The following ZC3H3 variants were observed in gnomAD, a reference collection of about 807,000 sequenced individuals.
The protein encoded by ZC3H3 is zinc finger CCCH-type containing 3, also known as zinc finger CCCH domain-containing protein 3.
ZC3H3 carries 36 observed loss-of-function variants against 77.3 expected under a neutral mutation model. The observed-to-expected ratio is 0.47, with a 90% CI of 0.36 to 0.61. ZC3H3 has a LOEUF of 0.61. Among genes scored for constraint, ZC3H3 ranks in the 20% least tolerant of loss-of-function variants. The pLI is 0.00. For synonymous variants in ZC3H3, 626 were observed against 555.2 expected (o/e 1.13, Z -1.79); for missense variants, 1,331 against 1,312.2 (o/e 1.01, Z -0.22).
At chr8:143,520,299 C>G (rs1005770361) in intron 3 of ZC3H3, among the ~76,000 whole-genome samples, 6 of 152,226 alleles carry the variant, frequency 3.9e-5, no homozygotes, top group Admixed American at 3.3e-4. Context: ...TGGGGGCAGG[C>G]TCCCCTGCTG....
chr8:143,440,244 T>A lies in ZC3H3; in HGVS notation c.2612A>T (p.Lys871Met). The change falls in exon 11 of 12, where the codon AAG becomes ATG. Residue 871 changes from lysine (K) to methionine (M), a missense_variant. By Grantham distance (95) the Lys-to-Met change is moderately conservative (BLOSUM62 -1). Around this residue, in one of 3 missense-constraint regions of ZC3H3, gnomAD observed 249 missense variants for 236.9 expected, o/e 1.05. Coordinates refer to ENST00000262577, the MANE Select transcript of ZC3H3 (RefSeq NM_015117.3). ...GGAGGAGGAGGAGGAGGAGGAAGCC[T>A]TCGAGGATGAGGGAGAGGCTGACCC... Reference protein sequence around the residue: ...PGGSASPSSSKASSSSSSSSS... With the variant: ...PGGSASPSSSMASSSSSSSSS... 1 of 1,594,746 alleles carries A rather than the reference T, an allele frequency of 6.3e-7. No individual in the cohort carries two copies. The highest frequency in any genetic ancestry group is 8.5e-7 in the Non-Finnish European group (1 of 1,171,274).
intron 9 of ZC3H3, among the ~76,000 whole-genome samples, chr8:143,442,313 G>A (rs1488072845): frequency 2.6e-5 from 4 of 151,642 alleles, no homozygotes; most frequent in Admixed American, 6.6e-5. Context: ...GCGCCTCGCA[G>A]TGCTTTGGGG....
At chr8:143,470,784 T>C (rs1820541970) in intron 5 of ZC3H3, among the ~76,000 whole-genome samples, 1 of 152,206 alleles carries the variant, frequency 6.6e-6, no homozygotes, top group African/African-American at 2.4e-5. Context: ...TTCAAATGCT[T>C]TGCAGTGTTA....
In ZC3H3 at chr8:143,541,439, G is replaced by T. The variant is rs1236258118; in HGVS notation, c.-18C>A. On this transcript the variant is annotated 5_prime_UTR_variant, in exon 1 of 12. Coordinates refer to ENST00000262577, the MANE Select transcript of ZC3H3 (RefSeq NM_015117.3). ...TCCTCCATCTCCCGAGTCCGCGACG[G>T]CCGGCCAGGCCCCCACGACGTCATC... 2 of 1,611,258 alleles carry T rather than the reference G, an allele frequency of 1.2e-6. No individual in the cohort carries two copies. Among genetic ancestry groups the T allele is most frequent in the Non-Finnish European group, 1.7e-6 (2 of 1,179,236 alleles).
At position 143,460,240 on chromosome 8, in the gene ZC3H3, T is replaced by C. The variant is rs533661659; in HGVS notation, c.2307+5477A>G. 1.4e-5 allele frequency among the ~76,000 whole-genome samples: 2 copies of C among 145,356 alleles called. No individual in the cohort carries two copies. The highest frequency in any genetic ancestry group is 6.9e-5 in the Admixed American group (1 of 14,484). On this transcript the variant is annotated intron_variant, in intron 9 of 11. Transcript: ENST00000262577. The surrounding 1 kb of genome is among the most constrained non-coding windows in gnomAD (Gnocchi z 4.0). ...TCCAGCCTGGGCGACAGAGTGAGAC[T>C]ATGTCTCAAAAATAAATAAATAAAT...
chr8:143,478,500 C>G (rs1323649452), intron 4 of ZC3H3, among the ~76,000 whole-genome samples: 4 of 152,210 alleles, frequency 2.6e-5, no homozygotes, highest in Non-Finnish European at 4.4e-5. Flanking sequence ...GCCATGCCCC[C>G]GCTCCTTCTT....
In ZC3H3 at chr8:143,538,351, T is replaced by C. The variant is rs765494778; in HGVS notation, c.1016A>G (p.Lys339Arg). ...SPRVAAENVC[K>R]ASAGMANKVE... ...CTTGTTTGCCATGCCAGCAGAGGCC[T>C]TGCACACATTCTCTGCAGCCACTCT... The change falls in exon 2 of 12, where the codon AAG becomes AGG. Residue 339 changes from lysine to arginine, a missense_variant. Coordinates refer to ENST00000262577, the MANE Select transcript of ZC3H3 (RefSeq NM_015117.3). 2.5e-6 allele frequency: 4 copies of C among 1,612,994 alleles called. No homozygotes were observed. The Admixed American group carries it at 5.0e-5, about 20-fold the overall frequency.
rs535330252 is a variant in ZC3H3, at chr8:143,450,343, C to A, written c.2308-9223G>T. The stretch of plus-strand genomic sequence containing the variant: ...TTACAGGCATGTACCACTGTGCCCA[C>A]CTAATTCTTCTATTTTCAGTAGAGA... On this transcript the variant is annotated intron_variant, in intron 9 of 11. Coordinates refer to ENST00000262577, the MANE Select transcript of ZC3H3 (RefSeq NM_015117.3). Among the ~76,000 whole-genome samples, 3 of 152,266 alleles carry A rather than the reference C, an allele frequency of 2.0e-5. No homozygotes were observed. In the East Asian group the frequency reaches 5.8e-4, roughly 29 times the overall value.
intron 9 of ZC3H3, among the ~76,000 whole-genome samples, chr8:143,463,442 A>C (rs776266736): frequency 6.6e-5 from 10 of 152,342 alleles, no homozygotes; most frequent in Middle Eastern, 3.4e-3. Context: ...GCATATTAAA[A>C]GGGGACGGCA....
intron 4 of ZC3H3, among the ~76,000 whole-genome samples, chr8:143,498,374 C>T (rs899841222): frequency 6.6e-6 from 1 of 152,202 alleles, no homozygotes; most frequent in Admixed American, 6.5e-5. Flanking sequence ...GATCCCGGTA[C>T]TTAGGGTCAC....
chr8:143,525,340 C>A (rs1393628896), intron 3 of ZC3H3, among the ~76,000 whole-genome samples: 1 of 152,238 alleles, frequency 6.6e-6, no homozygotes, highest in African/African-American at 2.4e-5. Flanking sequence ...TGAGGGGTGG[C>A]AGGTGGTGCA....
rs896210006 is a variant in ZC3H3 at position 143,462,223 on chromosome 8, C to T, written c.2307+3494G>A. 3.9e-5 allele frequency among the ~76,000 whole-genome samples: 6 copies of T among 152,076 alleles called. No homozygotes were observed. In the East Asian group the frequency reaches 9.7e-4, roughly 24 times the overall value. On this transcript the variant is annotated intron_variant, in intron 9 of 11. Transcript: ENST00000262577. The surrounding 1 kb of genome is among the most constrained non-coding windows in gnomAD (Gnocchi z 4.7). ...TCTGAGATAGGCAGTGCCGTTATCC[C>T]GACTGTATATAAAAGGAGACTGAGG...
intron 3 of ZC3H3, among the ~76,000 whole-genome samples, chr8:143,524,569 C>G (rs1002069788): frequency 3.3e-5 from 5 of 152,372 alleles, no homozygotes; most frequent in African/African-American, 1.2e-4. Context: ...GCAGGCAAGT[C>G]GCACAGAGGT....
intron 4 of ZC3H3, among the ~76,000 whole-genome samples, chr8:143,484,152 A>AC (rs1434260128): frequency 6.6e-6 from 1 of 152,180 alleles, no homozygotes; most frequent in Non-Finnish European, 1.5e-5. Flanking sequence ...GAGGCTGAGC[A>AC]CGGCTGGCTC....
At chr8:143,523,500 A>G in intron 3 of ZC3H3, 1 of 985,416 alleles carries the variant, frequency 1.0e-6, no homozygotes, top group African/African-American at 1.7e-5. Flanking sequence ...ATGTGGCCCT[A>G]CAGACGGAAG....
intron 9 of ZC3H3, among the ~76,000 whole-genome samples, chr8:143,464,129 C>A (rs1374715828): frequency 6.6e-6 from 1 of 152,280 alleles, no homozygotes; most frequent in Non-Finnish European, 1.5e-5. Flanking sequence ...CCTGTCCCCG[C>A]TGGATCTGGC....
chr8:143,475,052 G>C (rs1820693896), intron 5 of ZC3H3, among the ~76,000 whole-genome samples: 1 of 152,240 alleles, frequency 6.6e-6, no homozygotes, highest in Admixed American at 6.5e-5. Flanking sequence ...GCCACGCGAG[G>C]TGGGCGCCAC....
rs1249271060 is a variant in ZC3H3 at position 143,494,135 on chromosome 8, A to G, written c.1715+13611T>C. On this transcript the variant is annotated intron_variant, in intron 4 of 11. Coordinates refer to ENST00000262577, the MANE Select transcript of ZC3H3 (RefSeq NM_015117.3). The surrounding 1 kb of genome is among the most constrained non-coding windows in gnomAD (Gnocchi z 5.3). ...GAGGGCCATCCCCACAGGCCTCCCC[A>G]GGGCCAGGATGGGCCCCAAGACCCC... is the stretch of plus-strand genomic sequence containing the variant. Among the ~76,000 whole-genome samples the G allele has an allele frequency of 6.6e-6, 1 of 152,176 alleles. No individual in the cohort carries two copies. The highest frequency in any genetic ancestry group is 2.4e-5 in the African/African-American group (1 of 41,448).
intron 3 of ZC3H3, among the ~76,000 whole-genome samples, chr8:143,511,519 G>A (rs1821869637): frequency 6.6e-6 from 1 of 152,210 alleles, no homozygotes; most frequent in South Asian, 2.1e-4. Flanking sequence ...TGCCAAGCAG[G>A]AGAGAAGGCT....
Sources: allele counts gnomAD v4.1 joint callset (sites outside exome capture counted in the v4.1 genomes callset), GRCh38; gene constraint gnomAD v4.1.1; regional missense constraint gnomAD v4.1.1; non-coding constraint Gnocchi (gnomAD v3.1); transcripts MANE v1.5; gene names NCBI Gene and HGNC (gene_info 2026-07-23, HGNC 2026-07-21).